The following DYRK1A variants were observed in gnomAD, a reference collection of about 807,000 sequenced individuals.
DYRK1A encodes the protein dual specificity tyrosine-phosphorylation-regulated kinase 1A.
Under a neutral mutation model 79.7 loss-of-function variants are expected in DYRK1A, and 9 were observed. The ratio of observed to expected loss-of-function variants is 0.11; its 90% confidence interval spans 0.07 to 0.20. DYRK1A has a LOEUF of 0.20. Among genes scored for constraint, DYRK1A ranks in the 10% least tolerant of loss-of-function variants. DYRK1A has a pLI of 1.00. For missense variants in DYRK1A, 622 were observed against 956.0 expected (o/e 0.65, Z 4.61); for synonymous variants, 349 against 329.7 (o/e 1.06, Z -0.63).
chr21:37,458,268 CTGTGTGTGTGTG>C (rs3138683), intron 2 of DYRK1A, among the ~76,000 whole-genome samples: 56 of 130,584 alleles, frequency 4.3e-4, no homozygotes, highest in South Asian at 3.1e-3. Context: ...GGGTAATTTA[CTGTGTGTGTGTG>C]TGTGTGTGTG....
chr21:37,477,861 C>A (rs1006104888), intron 3 of DYRK1A, among the ~76,000 whole-genome samples: 2 of 152,122 alleles, frequency 1.3e-5, no homozygotes, highest in Middle Eastern at 3.2e-3. Context: ...AAAAAATTTT[C>A]TTTGGGCTAA....
At chr21:37,442,083 A>G (rs763873878) in intron 2 of DYRK1A, among the ~76,000 whole-genome samples, 9 of 151,798 alleles carry the variant, frequency 5.9e-5, no homozygotes, top group Non-Finnish European at 1.2e-4. Flanking sequence ...CTTACAGAAA[A>G]TCTTCTTTAT....
At chr21:37,398,076 A>AAAAT (rs1555953896) in intron 1 of DYRK1A, among the ~76,000 whole-genome samples, 1 of 145,736 alleles carries the variant, frequency 6.9e-6, no homozygotes, top group African/African-American at 2.5e-5. Flanking sequence ...TTAAAAAAAA[A>AAAAT]ATATATATAT....
At chr21:37,431,697 A>G (rs915020735) in intron 2 of DYRK1A, among the ~76,000 whole-genome samples, 1 of 152,188 alleles carries the variant, frequency 6.6e-6, no homozygotes, top group African/African-American at 2.4e-5. Flanking sequence ...ATTTTTTTAA[A>G]AAGTTAGACC....
intron 2 of DYRK1A, among the ~76,000 whole-genome samples, chr21:37,436,302 T>G (rs2050922447): frequency 6.6e-6 from 1 of 152,186 alleles, no homozygotes; most frequent in Non-Finnish European, 1.5e-5. Flanking sequence ...AAAGTAATGT[T>G]TCTGGTATTC....
At position 37,517,493 on chromosome 21, in the gene DYRK1A, A is replaced by C. The variant is rs188592864; in HGVS notation, c.*4962A>C. 1 of 152,094 alleles carries C rather than the reference A, an allele frequency of 6.6e-6. No individual in the cohort carries two copies. The highest frequency in any genetic ancestry group is 1.5e-5 in the Non-Finnish European group (1 of 68,020). The allele number at this position is 152,094 out of a possible 1,614,324, so 9.4% of individuals were successfully genotyped here. On this transcript the variant is annotated 3_prime_UTR_variant, in exon 12 of 12. Coordinates refer to ENST00000647188, the MANE Select transcript of DYRK1A (RefSeq NM_001347721.2). ...TTTATTCTTGTAAAGTTTTGCTTCC[A>C]TTATATACTCATTCATTAGTCAGTG...
At position 37,400,514 on chromosome 21, in the gene DYRK1A, A is replaced by G. The variant is rs2050034074; in HGVS notation, c.-76-19785A>G. On this transcript the variant is annotated intron_variant, in intron 1 of 11. Transcript: ENST00000647188. ...TATAATAAGAATTAGTCATAGTTTT[A>G]TAACTTTTTAGTGTTAACTTGATGA... Among the ~76,000 whole-genome samples the G allele has an allele frequency of 2.6e-5, 4 of 152,242 alleles. No homozygotes were observed. In the South Asian group the frequency reaches 8.3e-4, roughly 31 times the overall value.
intron 2 of DYRK1A, among the ~76,000 whole-genome samples, chr21:37,454,817 A>G (rs775806353): frequency 2.0e-5 from 3 of 152,230 alleles, no homozygotes; most frequent in Non-Finnish European, 4.4e-5. Flanking sequence ...TAATGACGAC[A>G]AAGATGCTGA....
intron 7 of DYRK1A, among the ~76,000 whole-genome samples, chr21:37,492,308 A>G (rs2053123477): frequency 6.6e-6 from 1 of 152,200 alleles, no homozygotes; most frequent in Non-Finnish European, 1.5e-5. Context: ...GTGTTAGGAA[A>G]TTTAGTTAGG....
rs538454177 is a variant in DYRK1A at position 37,523,478 on chromosome 21, T to C, written c.*10947T>C. On this transcript the variant is annotated 3_prime_UTR_variant, in exon 12 of 12. Coordinates refer to ENST00000647188, the MANE Select transcript of DYRK1A (RefSeq NM_001347721.2). The stretch of plus-strand genomic sequence containing the variant: ...AAGAAAAAATAAGAGAGATTCATTA[T>C]GTTCTAATGACTATGAGGGAAGCTT... The C allele has an allele frequency of 7.9e-5, 12 of 152,368 alleles. No homozygotes were observed. The highest frequency in any genetic ancestry group is 2.2e-4 in the African/African-American group (9 of 41,586). The allele number at this position is 152,368 out of a possible 1,614,324, so 9.4% of individuals were successfully genotyped here. A position where few individuals can be genotyped will look rare whatever the true frequency, so the allele number is the denominator to read the frequency against.
intron 2 of DYRK1A, among the ~76,000 whole-genome samples, chr21:37,458,310 A>AGTGTGTGTG (rs1555972281): frequency 5.4e-5 from 3 of 55,894 alleles, no homozygotes; most frequent in Non-Finnish European, 1.2e-4. Flanking sequence ...GTGTGTGTAC[A>AGTGTGTGTG]TATACATATG....
intron 1 of DYRK1A, among the ~76,000 whole-genome samples, chr21:37,373,063 A>G (rs181413897): frequency 8.5e-5 from 13 of 152,246 alleles, no homozygotes; most frequent in Non-Finnish European, 4.4e-5. Flanking sequence ...TGCCTGGCAC[A>G]TAGGGGGTTT....
rs1373478482 is a variant in DYRK1A at position 37,515,242 on chromosome 21, C to G, written c.*2711C>G. ...AAATGTAAACATAGTAAAAATCTTC[C>G]TATGCAATTAAACTGGTCCAGGTCT... On this transcript the variant is annotated 3_prime_UTR_variant, in exon 12 of 12. Coordinates refer to ENST00000647188, the MANE Select transcript of DYRK1A (RefSeq NM_001347721.2). 1 of 152,520 alleles carries G rather than the reference C, an allele frequency of 6.6e-6. No homozygotes were observed. The highest frequency in any genetic ancestry group is 6.6e-5 in the Admixed American group (1 of 15,266). 9.4% of individuals were successfully genotyped at this position (152,520 alleles called of 1,614,324 possible). A position where few individuals can be genotyped will look rare whatever the true frequency, so the allele number is the denominator to read the frequency against.
chr21:37,393,674 C>G (rs1215363362), intron 1 of DYRK1A, among the ~76,000 whole-genome samples: 1 of 152,206 alleles, frequency 6.6e-6, no homozygotes, highest in East Asian at 1.9e-4. Flanking sequence ...TCTGTTGCTG[C>G]TTAACAAACC....
rs1602395137 is a variant in DYRK1A, at chr21:37,394,034, G to C, written c.-76-26265G>C. Among the ~76,000 whole-genome samples the C allele has an allele frequency of 2.0e-5, 3 of 152,302 alleles. No homozygotes were observed. In the East Asian group the frequency reaches 5.8e-4, roughly 29 times the overall value. Reference sequence around the variant, plus strand: ...AGATTCAGGGGGTTCGGGGTGGGGTGGGGATTGTACAAGGTGTGAACACTG... The same window carrying C: ...AGATTCAGGGGGTTCGGGGTGGGGTCGGGATTGTACAAGGTGTGAACACTG... On this transcript the variant is annotated intron_variant, in intron 1 of 11. Transcript: ENST00000647188.
intron 1 of DYRK1A, among the ~76,000 whole-genome samples, chr21:37,415,843 T>C (rs369018371): frequency 2.0e-4 from 31 of 152,280 alleles, no homozygotes; most frequent in African/African-American, 6.7e-4. Context: ...AGATGAACTT[T>C]TGGGGAAATT....
At position 37,410,754 on chromosome 21, in the gene DYRK1A, T is replaced by C. The variant is rs2050227389; in HGVS notation, c.-76-9545T>C. Reference sequence around the variant, plus strand: ...ACGTCTCCTGGACTTACACAGAAAATAGAAGACAGTTGGCTGGGCACTGTG... The same window carrying C: ...ACGTCTCCTGGACTTACACAGAAAACAGAAGACAGTTGGCTGGGCACTGTG... On this transcript the variant is annotated intron_variant, in intron 1 of 11. Transcript: ENST00000647188. 2.0e-5 allele frequency: 3 copies of C among 152,124 alleles called. No homozygotes were observed. The South Asian group carries it at 6.2e-4, about 31-fold the overall frequency. 9.4% of individuals were successfully genotyped at this position (152,124 alleles called of 1,614,324 possible). A position where few individuals can be genotyped will look rare whatever the true frequency, so the allele number is the denominator to read the frequency against.
chr21:37,472,761 A>T lies in DYRK1A; in HGVS notation c.88A>T (p.Met30Leu), dbSNP rs762466544. ...SFSFHAAGLQ[M>L]AGQMPHSHQY... ...TTCATTCCATGCTGCTGGCCTTCAGATGGCTGGACAGATGCCCCATTCACA... is the reference window on the plus strand; with the variant it reads ...TTCATTCCATGCTGCTGGCCTTCAGTTGGCTGGACAGATGCCCCATTCACA... The change falls in exon 3 of 12, where the codon ATG (methionine) becomes TTG (leucine). Residue 30 changes from methionine (M) to leucine (L), a missense_variant. By Grantham distance (15) the Met-to-Leu change is conservative. Transcript: ENST00000647188. The T allele has an allele frequency of 2.8e-5, 45 of 1,612,654 alleles. No individual in the cohort carries two copies. The highest frequency in any genetic ancestry group is 3.8e-5 in the Non-Finnish European group (45 of 1,179,046).
intron 1 of DYRK1A, among the ~76,000 whole-genome samples, chr21:37,411,217 GT>G (rs1455398081): frequency 1.3e-5 from 2 of 151,834 alleles, no homozygotes; most frequent in East Asian, 3.9e-4. Flanking sequence ...TTAGCCAGGC[GT>G]GATGGTGTGT....
Sources: gnomAD v4.1 joint callset for allele counts (sites outside exome capture counted in the v4.1 genomes callset) on GRCh38, gnomAD v4.1.1 for gene constraint, MANE v1.5 for transcripts, NCBI Gene and HGNC (gene_info 2026-07-23, HGNC 2026-07-21) for gene names.